CACNA2D3: variants seen among roughly 807,000 people sequenced by gnomAD.
The protein encoded by CACNA2D3 is voltage-dependent calcium channel subunit alpha-2/delta-3.
Under a neutral mutation model 160.6 loss-of-function variants are expected in CACNA2D3, and 60 were observed. The observed-to-expected ratio is 0.37, with a 90% CI of 0.30 to 0.46. The LOEUF (loss-of-function observed/expected upper bound fraction) is 0.46, where lower values mean the gene tolerates loss of function less well. Ranked by LOEUF, CACNA2D3 falls within the 20% of genes least tolerant of loss-of-function variation. The pLI is 1.00. For missense variants in CACNA2D3, 1,205 were observed against 1,365.0 expected (o/e 0.88, Z 1.85); for synonymous variants, 558 against 492.9 (o/e 1.13, Z -1.75).
chr3:54,422,399 A>C (rs1301152721), intron 4 of CACNA2D3, among the ~76,000 whole-genome samples: 1 of 152,234 alleles, frequency 6.6e-6, no homozygotes, highest in Non-Finnish European at 1.5e-5. Context: ...GAAATGTTTA[A>C]GAAAATGTTT....
intron 30 of CACNA2D3, among the ~76,000 whole-genome samples, chr3:54,986,301 G>A (rs1404659956): frequency 1.3e-5 from 2 of 152,128 alleles, no homozygotes; most frequent in Admixed American, 6.5e-5. Flanking sequence ...ATAAGCCTGC[G>A]ATAGACCCAG....
intron 4 of CACNA2D3, among the ~76,000 whole-genome samples, chr3:54,497,851 A>G (rs2106934483): frequency 6.6e-6 from 1 of 151,900 alleles, no homozygotes; most frequent in East Asian, 1.9e-4. Flanking sequence ...TATCTATTTG[A>G]TGTTATGATT....
chr3:54,185,775 A>T (rs1700869906), intron 2 of CACNA2D3, among the ~76,000 whole-genome samples: 1 of 152,200 alleles, frequency 6.6e-6, no homozygotes, highest in Non-Finnish European at 1.5e-5. Context: ...CAGCAGTTGG[A>T]TTAGGCTTGC....
At chr3:54,799,731 TTCTGGCCATTATTGACTC>T (rs1290438465) in intron 13 of CACNA2D3, among the ~76,000 whole-genome samples, 65 of 152,216 alleles carry the variant, frequency 4.3e-4, no homozygotes, top group Non-Finnish European at 2.8e-4. Flanking sequence ...TGGAGGACCA[TTCTGGCCATTATTGACTC>T]TCTGGGTTCT....
At chr3:54,505,866 G>C (rs899999244) in intron 5 of CACNA2D3, among the ~76,000 whole-genome samples, 2 of 152,140 alleles carry the variant, frequency 1.3e-5, no homozygotes, top group Non-Finnish European at 2.9e-5. Context: ...TGATCACCCA[G>C]GCTATAGAAT....
At chr3:55,033,110 T>C (rs148090771) in intron 35 of CACNA2D3, among the ~76,000 whole-genome samples, 159 of 152,070 alleles carry the variant, frequency 1.0e-3, no homozygotes, top group African/African-American at 3.1e-3. Flanking sequence ...GAGAAGGTGG[T>C]CCAGAGAAGG....
intron 18 of CACNA2D3, chr3:54,878,772 C>G (rs1302456114): frequency 5.9e-6 from 2 of 339,616 alleles, no homozygotes; most frequent in Non-Finnish European, 1.0e-5. Flanking sequence ...TCAGTATCGC[C>G]AAGGCTCTTT....
intron 14 of CACNA2D3, among the ~76,000 whole-genome samples, chr3:54,821,064 C>A (rs887186155): frequency 6.6e-6 from 1 of 152,170 alleles, no homozygotes; most frequent in Non-Finnish European, 1.5e-5. Context: ...CGTGTCCAGA[C>A]TCTGGTACCC....
intron 13 of CACNA2D3, among the ~76,000 whole-genome samples, chr3:54,805,175 A>C (rs576373401): frequency 6.6e-6 from 1 of 152,348 alleles, no homozygotes; most frequent in African/African-American, 2.4e-5. Flanking sequence ...TTCAAAAGCT[A>C]GCAGAAGGCA....
intron 12 of CACNA2D3, among the ~76,000 whole-genome samples, chr3:54,762,206 C>T (rs1702092772): frequency 6.6e-6 from 1 of 152,170 alleles, no homozygotes; most frequent in African/African-American, 2.4e-5. Context: ...TTTCTGTCAT[C>T]TTATGTCATC....
intron 9 of CACNA2D3, among the ~76,000 whole-genome samples, chr3:54,625,239 A>G (rs978510468): frequency 1.2e-4 from 18 of 152,230 alleles, no homozygotes; most frequent in African/African-American, 4.3e-4. Flanking sequence ...CTGCTCAGGT[A>G]TATGTCAAGC....
intron 10 of CACNA2D3, among the ~76,000 whole-genome samples, chr3:54,630,444 G>C (rs1396574660): frequency 6.6e-6 from 1 of 152,236 alleles, no homozygotes; most frequent in East Asian, 1.9e-4. Flanking sequence ...GGCCTGCCAA[G>C]GTACTCCCAC....
chr3:54,209,865 T>G (rs915427914), intron 2 of CACNA2D3, among the ~76,000 whole-genome samples: 3 of 152,252 alleles, frequency 2.0e-5, no homozygotes, highest in African/African-American at 7.2e-5. Context: ...TCATCAGATA[T>G]CTAAGCAGTT....
intron 4 of CACNA2D3, among the ~76,000 whole-genome samples, chr3:54,429,270 T>TA (rs5851256): frequency 2.8e-4 from 43 of 151,716 alleles, no homozygotes; most frequent in African/African-American, 9.7e-4. Context: ...TTTAATCAAC[T>TA]AAAAAAAAAT....
intron 11 of CACNA2D3, among the ~76,000 whole-genome samples, chr3:54,706,697 C>G (rs1161234237): frequency 6.6e-6 from 1 of 152,170 alleles, no homozygotes. Flanking sequence ...AGAATCGATG[C>G]TCTCCAGCTT....
intron 13 of CACNA2D3, among the ~76,000 whole-genome samples, chr3:54,775,953 T>C (rs1702417986): frequency 6.6e-6 from 1 of 152,198 alleles, no homozygotes; most frequent in South Asian, 2.1e-4. Context: ...TTGTCCCTCC[T>C]ACTTGCCATC....
intron 17 of CACNA2D3, among the ~76,000 whole-genome samples, chr3:54,851,607 GGT>G (rs2106783941): frequency 6.6e-6 from 1 of 152,248 alleles, no homozygotes; most frequent in South Asian, 2.1e-4. Flanking sequence ...CCAGTACCGA[GGT>G]AATCATGTCA....
intron 3 of CACNA2D3, among the ~76,000 whole-genome samples, chr3:54,326,670 C>G (rs1704127506): frequency 6.6e-6 from 1 of 152,098 alleles, no homozygotes; most frequent in African/African-American, 2.4e-5. Flanking sequence ...ATGTTAAGTC[C>G]AAAATGTGGA....
chr3:55,024,672 C>T (rs1243900210), intron 35 of CACNA2D3, among the ~76,000 whole-genome samples: 1 of 152,146 alleles, frequency 6.6e-6, no homozygotes, highest in Admixed American at 6.5e-5. Flanking sequence ...CAATAAATTT[C>T]CGTTGTTTAT....
Sources: allele counts gnomAD v4.1 joint callset (sites outside exome capture counted in the v4.1 genomes callset), GRCh38; gene constraint gnomAD v4.1.1; transcripts MANE v1.5; gene names NCBI Gene and HGNC (gene_info 2026-07-23, HGNC 2026-07-21).